CREB3L2: variants seen among roughly 807,000 people sequenced by gnomAD.
CREB3L2 encodes the protein cyclic AMP-responsive element-binding protein 3-like protein 2.
In CREB3L2, 23 loss-of-function variants were observed where a neutral mutation model predicts 57.2. The observed-to-expected ratio is 0.40, with a 90% CI of 0.29 to 0.57. CREB3L2 has a LOEUF of 0.57. CREB3L2 is among the 20% of genes least tolerant of loss of function. The pLI, the probability that CREB3L2 is intolerant of heterozygous loss-of-function variation, is 0.42. For missense variants in CREB3L2, 628 were observed against 634.7 expected (o/e 0.99, Z 0.11); for synonymous variants, 268 against 265.1 (o/e 1.01, Z -0.11).
chr7:137,923,350 G>A (rs888941771), intron 2 of CREB3L2, among the ~76,000 whole-genome samples: 2 of 152,138 alleles, frequency 1.3e-5, no homozygotes, highest in African/African-American at 2.4e-5. Flanking sequence ...CCAAAAAAGC[G>A]GAGGAATAGC....
In CREB3L2 at chr7:137,880,383, G is replaced by T; in HGVS notation, c.*93C>A. Reference sequence around the variant, plus strand: ...TAATGCTTGCCCATGTCTCCATGAAGATCCAGTGGCAAAGAGGAAAAGCTG... The same window carrying T: ...TAATGCTTGCCCATGTCTCCATGAATATCCAGTGGCAAAGAGGAAAAGCTG... On this transcript the variant is annotated 3_prime_UTR_variant, in exon 12 of 12. Coordinates refer to ENST00000330387, the MANE Select transcript of CREB3L2 (RefSeq NM_194071.4). The surrounding 1 kb of genome is among the most constrained non-coding windows in gnomAD (Gnocchi z 4.0). The T allele has an allele frequency of 9.8e-7, 1 of 1,021,138 alleles. No individual in the cohort carries two copies. The highest frequency in any genetic ancestry group is 1.5e-6 in the Non-Finnish European group (1 of 661,996). 63.3% of individuals were successfully genotyped at this position (1,021,138 alleles called of 1,614,324 possible). A position where few individuals can be genotyped will look rare whatever the true frequency, so the allele number is the denominator to read the frequency against.
At chr7:137,939,822 G>C (rs1800851859) in intron 1 of CREB3L2, among the ~76,000 whole-genome samples, 2 of 152,098 alleles carry the variant, frequency 1.3e-5, no homozygotes, top group Non-Finnish European at 2.9e-5. Context: ...CGCAATCTTG[G>C]ATGGGAGTGC....
At chr7:137,941,673 T>G (rs1800881894) in intron 1 of CREB3L2, among the ~76,000 whole-genome samples, 1 of 152,132 alleles carries the variant, frequency 6.6e-6, no homozygotes, top group Non-Finnish European at 1.5e-5. Context: ...ACAAGAGAGA[T>G]CAGAAAGGCA....
chr7:137,976,902 A>G (rs1463488603), intron 1 of CREB3L2, among the ~76,000 whole-genome samples: 1 of 152,230 alleles, frequency 6.6e-6, no homozygotes, highest in Non-Finnish European at 1.5e-5. Context: ...TAAGCTATAT[A>G]GGCTACGCAG....
At position 137,906,480 on chromosome 7, in the gene CREB3L2, C is replaced by T. The variant is rs1799893886; in HGVS notation, c.769-632G>A. On this transcript the variant is annotated intron_variant, in intron 5 of 11. Transcript: ENST00000330387. ...AATTAATCAAACAGAGTCCCTATTG[C>T]ATTTTAGCTCCATACTAAATGCCAT... is the stretch of plus-strand genomic sequence containing the variant. Among the ~76,000 whole-genome samples, 5 of 152,226 alleles carry T rather than the reference C, an allele frequency of 3.3e-5. No homozygotes were observed. In the South Asian group the frequency reaches 8.3e-4, roughly 25 times the overall value.
Position 137,915,922 on chromosome 7 carries a change from C to T in CREB3L2, c.410G>A (p.Gly137Glu). 6.2e-7 allele frequency: 1 copy of T among 1,614,080 alleles called. No individual in the cohort carries two copies. The highest frequency in any genetic ancestry group is 1.1e-5 in the South Asian group (1 of 91,082). The part of the protein sequence containing the change: ...TEPVTDEPPP[G>E]LVPSVTLTIT... ...GGTCAGAGTGACAGACGGAACGAGT[C>T]CTGGGGGTGGTTCGTCTGTAACTGG... Residue 137 changes from glycine (G) to glutamate (E), a missense_variant, in exon 3 of 12, where the codon GGA (glycine) becomes GAA (glutamate). Gly to Glu is a moderately conservative substitution (Grantham distance 98). This residue lies in a region of CREB3L2 where 339 missense variants were observed against 355.4 expected (regional missense o/e 0.95). Transcript: ENST00000330387.
In CREB3L2 at chr7:137,939,540, T is replaced by C. The variant is rs1800847258; in HGVS notation, c.103-11174A>G. On this transcript the variant is annotated intron_variant, in intron 1 of 11. Coordinates refer to ENST00000330387, the MANE Select transcript of CREB3L2 (RefSeq NM_194071.4). Reference sequence around the variant, plus strand: ...TATCAGGTAGAGAAGTCCTCTGATATGCTTCAAGAAACTCAAACCATCCCC... The same window carrying C: ...TATCAGGTAGAGAAGTCCTCTGATACGCTTCAAGAAACTCAAACCATCCCC... Among the ~76,000 whole-genome samples, 9 of 152,226 alleles carry C rather than the reference T, an allele frequency of 5.9e-5. No individual in the cohort carries two copies. The South Asian group carries it at 1.9e-3, about 32-fold the overall frequency.
chr7:137,913,045 T>C lies in CREB3L2; in HGVS notation c.529A>G (p.Ile177Val), dbSNP rs1052768981. The C allele has an allele frequency of 6.2e-7, 1 of 1,613,852 alleles. No homozygotes were observed. The highest frequency in any genetic ancestry group is 1.3e-5 in the African/African-American group (1 of 74,904). The change falls in exon 4 of 12, where the codon ATT (isoleucine) becomes GTT (valine). Residue 177 changes from isoleucine to valine, a missense_variant. Ile to Val is a conservative substitution (Grantham distance 29). Coordinates refer to ENST00000330387, the MANE Select transcript of CREB3L2 (RefSeq NM_194071.4). ...DSSCQTIIPK[I>V]KLEPHEVDQF... ...TCCACTTCATGAGGCTCCAGCTTAA[T>C]TTTAGGAATAATGGTCTGGCACGAG...
chr7:137,927,278 G>GAGGAAGGAAGGAAGGA (rs1554498591), intron 2 of CREB3L2, among the ~76,000 whole-genome samples: 62 of 136,628 alleles, frequency 4.5e-4, no homozygotes, highest in Middle Eastern at 3.5e-3. Context: ...GAAAGGAAAG[G>GAGGAAGGAAGGAAGGA]AGGAAGGAAG....
chr7:137,924,343 G>C (rs1253679425), intron 2 of CREB3L2, among the ~76,000 whole-genome samples: 2 of 152,178 alleles, frequency 1.3e-5, no homozygotes, highest in Non-Finnish European at 2.9e-5. Flanking sequence ...TTAGAGGATA[G>C]GGGCCATGTC....
At position 137,875,574 on chromosome 7, in the gene CREB3L2, G is replaced by C; in HGVS notation, c.*4902C>G. On this transcript the variant is annotated 3_prime_UTR_variant, in exon 12 of 12. Transcript: ENST00000330387. ...GACACCTGGGGGACTGCTCCAGCAC[G>C]AAGGGAAGCGATGAGCATCACACAG... 4.5e-6 allele frequency: 1 copy of C among 224,176 alleles called. No individual in the cohort carries two copies. The highest frequency in any genetic ancestry group is 8.9e-6 in the Non-Finnish European group (1 of 112,240). 13.9% of individuals were successfully genotyped at this position (224,176 alleles called of 1,614,324 possible). A position where few individuals can be genotyped will look rare whatever the true frequency, so the allele number is the denominator to read the frequency against.
intron 1 of CREB3L2, among the ~76,000 whole-genome samples, chr7:137,982,046 G>A (rs897001633): frequency 2.6e-5 from 4 of 151,912 alleles, no homozygotes; most frequent in African/African-American, 7.3e-5. Flanking sequence ...TGAGGTGGGG[G>A]GTATGCTGGT....
intron 1 of CREB3L2, among the ~76,000 whole-genome samples, chr7:137,971,168 GGGCCAGGCGTGGTGGCTCAC>G (rs1448249217): frequency 3.9e-5 from 6 of 151,922 alleles, no homozygotes; most frequent in Non-Finnish European, 1.5e-5. Context: ...AAAAAAACTG[GGGCCAGGCGTGGTGGCTCAC>G]GCCTGTAATC....
intron 5 of CREB3L2, 112 bp from the exon 6 acceptor site, chr7:137,905,960 G>A: frequency 9.1e-7 from 1 of 1,102,792 alleles, no homozygotes; most frequent in Non-Finnish European, 1.3e-6. Flanking sequence ...AGAAGGCTCT[G>A]AGACAAGGAT....
At position 138,001,902 on chromosome 7, in the gene CREB3L2, T is replaced by C. The variant is rs745907989; in HGVS notation, c.-197A>G. 29 of 458,988 alleles carry C rather than the reference T, an allele frequency of 6.3e-5. No individual in the cohort carries two copies. The highest frequency in any genetic ancestry group is 8.9e-5 in the Non-Finnish European group (23 of 257,700). The allele number at this position is 458,988 out of a possible 1,614,324, so 28.4% of individuals were successfully genotyped here. A position where few individuals can be genotyped will look rare whatever the true frequency, so the allele number is the denominator to read the frequency against. Reference sequence around the variant, plus strand: ...GGCCAAGCGCTCCCGTCCGGTGTCCTCGGAGATCCGAGAATCCCCAGGGAC... The same window carrying C: ...GGCCAAGCGCTCCCGTCCGGTGTCCCCGGAGATCCGAGAATCCCCAGGGAC... On this transcript the variant is annotated 5_prime_UTR_variant, in exon 1 of 12. Transcript: ENST00000330387. The surrounding 1 kb of genome is among the most constrained non-coding windows in gnomAD (Gnocchi z 4.2).
At chr7:137,993,501 GTTTA>G (rs1178668463) in intron 1 of CREB3L2, among the ~76,000 whole-genome samples, 2 of 152,164 alleles carry the variant, frequency 1.3e-5, no homozygotes, top group South Asian at 2.1e-4. Context: ...AGAATCCAGA[GTTTA>G]TTTGTTTGTT....
At position 137,877,905 on chromosome 7, in the gene CREB3L2, T is replaced by C. The variant is rs1017644902; in HGVS notation, c.*2571A>G. The C allele has an allele frequency of 1.8e-5, 4 of 228,198 alleles. No individual in the cohort carries two copies. The South Asian group carries it at 7.3e-4, about 41-fold the overall frequency. The allele number at this position is 228,198 out of a possible 1,614,324, so 14.1% of individuals were successfully genotyped here. Reference sequence around the variant, plus strand: ...TGCTATACAACTCTTCTGTGTCCTCTTGACCCCATTTTGTCCTCCTAAAGG... The same window carrying C: ...TGCTATACAACTCTTCTGTGTCCTCCTGACCCCATTTTGTCCTCCTAAAGG... On this transcript the variant is annotated 3_prime_UTR_variant, in exon 12 of 12. Coordinates refer to ENST00000330387, the MANE Select transcript of CREB3L2 (RefSeq NM_194071.4).
intron 10 of CREB3L2, among the ~76,000 whole-genome samples, chr7:137,882,837 C>T (rs1799327157): frequency 6.6e-6 from 1 of 152,104 alleles, no homozygotes; most frequent in Non-Finnish European, 1.5e-5. Context: ...TTATACAGTG[C>T]TGGAAGAACA....
At chr7:137,907,798 A>G (rs1463559290) in intron 5 of CREB3L2, among the ~76,000 whole-genome samples, 1 of 152,230 alleles carries the variant, frequency 6.6e-6, no homozygotes, top group Non-Finnish European at 1.5e-5. Flanking sequence ...GAAAAGGCTT[A>G]AACTGTTTTT....
Sources: gnomAD v4.1 joint callset for allele counts (sites outside exome capture counted in the v4.1 genomes callset) on GRCh38, gnomAD v4.1.1 for gene constraint, gnomAD v4.1.1 regional missense constraint, Gnocchi (gnomAD v3.1) non-coding constraint, MANE v1.5 for transcripts, NCBI Gene and HGNC (gene_info 2026-07-23, HGNC 2026-07-21) for gene names.